Variants in FEM1C observed in about 807,000 individuals in gnomAD.
FEM1C encodes the protein fem-1 homolog C, also known as protein fem-1 homolog C.
In FEM1C, 15 loss-of-function variants were observed where a neutral mutation model predicts 37.6. The observed-to-expected ratio is 0.40, with a 90% confidence interval of 0.27 to 0.61. The LOEUF (loss-of-function observed/expected upper bound fraction) is 0.61. Among genes scored for constraint, FEM1C ranks in the 20% least tolerant of loss-of-function variants. FEM1C has a pLI of 0.42. For missense variants in FEM1C, 532 were observed against 749.7 expected (o/e 0.71, Z 3.39); for synonymous variants, 287 against 272.8 (o/e 1.05, Z -0.51).
At chr5:115,537,627 G>A (rs1367966353) in intron 2 of FEM1C, among the ~76,000 whole-genome samples, 1 of 152,022 alleles carries the variant, frequency 6.6e-6, no homozygotes, top group Non-Finnish European at 1.5e-5. Context: ...GCAACTTACA[G>A]GAGTAACTTC....
In FEM1C at chr5:115,543,603, TG is replaced by T; in HGVS notation, c.-111del. The T allele has an allele frequency of 6.8e-7, 1 of 1,479,630 alleles. No homozygotes were observed. The allele number at this position is 1,479,630 out of a possible 1,614,324, so 91.7% of individuals were successfully genotyped here. Reference sequence around the variant, plus strand: ...GGAACCAAAGTCCAATGTTAATTGCTGCACCCCAGAACGGATACACAACCAC... The same window carrying T: ...GGAACCAAAGTCCAATGTTAATTGCTCACCCCAGAACGGATACACAACCAC... On this transcript the variant is annotated 5_prime_UTR_variant, in exon 2 of 3. The change creates a premature stop within an existing upstream ORF in the 5' untranslated region. Coordinates refer to ENST00000274457, the MANE Select transcript of FEM1C (RefSeq NM_020177.3).
In FEM1C at chr5:115,540,105, G is replaced by A. The variant is rs373172233; in HGVS notation, c.544+2845C>T. Among the ~76,000 whole-genome samples the A allele has an allele frequency of 1.4e-4, 22 of 152,074 alleles. No homozygotes were observed. The South Asian group carries it at 4.6e-3, about 32-fold the overall frequency. On this transcript the variant is annotated intron_variant, in intron 2 of 2. Transcript: ENST00000274457. ...TAATCTTTTCTACTTTTTGAATGGG[G>A]CTAAAAAAGTGGGGAAAAATCCTCT...
At chr5:115,531,055 T>C (rs1201658860) in intron 2 of FEM1C, among the ~76,000 whole-genome samples, 1 of 152,094 alleles carries the variant, frequency 6.6e-6, no homozygotes, top group Non-Finnish European at 1.5e-5. Flanking sequence ...TTAATAACTT[T>C]GCAAGGTAGA....
intron 2 of FEM1C, among the ~76,000 whole-genome samples, chr5:115,527,388 G>C (rs1753917055): frequency 6.6e-6 from 1 of 152,000 alleles, no homozygotes; most frequent in South Asian, 2.1e-4. Flanking sequence ...ATATCTACAA[G>C]GACTATATAA....
Position 115,523,618 on chromosome 5 carries a change from A to G in FEM1C, c.*690T>C, listed in dbSNP as rs1474727823. The G allele has an allele frequency of 6.6e-6, 1 of 152,552 alleles. No individual in the cohort carries two copies. The highest frequency in any genetic ancestry group is 1.5e-5 in the Non-Finnish European group (1 of 67,990). 9.4% of individuals were successfully genotyped at this position (152,552 alleles called of 1,614,324 possible). A position where few individuals can be genotyped will look rare whatever the true frequency, so the allele number is the denominator to read the frequency against. ...AAAAACAAACAAAAAAGCTTGAGCT[A>G]TAATAGCTAACCTGCAGCTCTAAAA... is the stretch of plus-strand genomic sequence containing the variant. On this transcript the variant is annotated 3_prime_UTR_variant, in exon 3 of 3. Transcript: ENST00000274457.
intron 2 of FEM1C, among the ~76,000 whole-genome samples, chr5:115,536,948 G>A (rs1455846913): frequency 6.6e-6 from 1 of 151,962 alleles, no homozygotes; most frequent in Non-Finnish European, 1.5e-5. Context: ...AAGGCTAAGA[G>A]CACTGGAGCT....
chr5:115,539,284 A>T (rs1754192321), intron 2 of FEM1C, among the ~76,000 whole-genome samples: 1 of 152,034 alleles, frequency 6.6e-6, no homozygotes, highest in South Asian at 2.1e-4. Context: ...GTAAAAGTGG[A>T]ATTGAAGAGG....
chr5:115,531,092 T>C (rs566266204), intron 2 of FEM1C, among the ~76,000 whole-genome samples: 3 of 152,226 alleles, frequency 2.0e-5, no homozygotes, highest in Admixed American at 6.5e-5. Flanking sequence ...TACATACAAA[T>C]AGAAAAGAGA....
rs56087439 is a variant in FEM1C at position 115,542,563 on chromosome 5, TAA to T, written c.544+385_544+386del. ...AGTAATTTCTACTCCAAGGTTGTTC[TAA>T]AAAAAAAAAAAACAAAACAAAAAGC... is the stretch of plus-strand genomic sequence containing the variant. On this transcript the variant is annotated intron_variant, in intron 2 of 2. Transcript: ENST00000274457. Among the ~76,000 whole-genome samples, 92 of 142,398 alleles carry T rather than the reference TAA, an allele frequency of 6.5e-4. 1 individual carries two copies. The highest frequency in any genetic ancestry group is 1.1e-3 in the African/African-American group (43 of 38,826). The allele number at this position is 142,398 out of a possible 152,430, so 93.4% of individuals were successfully genotyped here.
At chr5:115,541,990 C>A (rs1184595613) in intron 2 of FEM1C, among the ~76,000 whole-genome samples, 1 of 152,068 alleles carries the variant, frequency 6.6e-6, no homozygotes, top group African/African-American at 2.4e-5. Context: ...AACCAATTTA[C>A]ACTGTTTGAT....
chr5:115,543,811 A>C (rs1561561938), intron 1 of FEM1C, 128 bp from the exon 2 acceptor site: 38 of 1,008,008 alleles, frequency 3.8e-5, no homozygotes, highest in Non-Finnish European at 3.8e-5. Flanking sequence ...CATCCCACAC[A>C]CCCCCCCCAC....
At chr5:115,543,809 AC>A in intron 1 of FEM1C, 126 bp from the exon 2 acceptor site, 1 of 984,326 alleles carries the variant, frequency 1.0e-6, no homozygotes. Flanking sequence ...TCCATCCCAC[AC>A]ACCCCCCCCA....
intron 2 of FEM1C, among the ~76,000 whole-genome samples, chr5:115,535,637 T>G (rs1337232266): frequency 6.6e-6 from 1 of 151,992 alleles, no homozygotes; most frequent in Non-Finnish European, 1.5e-5. Flanking sequence ...ACTGGAACTC[T>G]TCTTACATTG....
intron 2 of FEM1C, among the ~76,000 whole-genome samples, chr5:115,530,446 C>T (rs563668176): frequency 2.8e-4 from 43 of 152,188 alleles, no homozygotes; most frequent in African/African-American, 1.0e-3. Context: ...AACATTAGTA[C>T]ATCTAAACAT....
chr5:115,530,609 A>C (rs1397311357), intron 2 of FEM1C, among the ~76,000 whole-genome samples: 2 of 152,126 alleles, frequency 1.3e-5, no homozygotes, highest in Non-Finnish European at 2.9e-5. Flanking sequence ...CCAAATACTG[A>C]CCATATTCTT....
At position 115,543,372 on chromosome 5, in the gene FEM1C, C is replaced by T. The variant is rs1754282130; in HGVS notation, c.122G>A (p.Gly41Glu). 1 of 1,614,034 alleles carries T rather than the reference C, an allele frequency of 6.2e-7. No homozygotes were observed. The highest frequency in any genetic ancestry group is 1.7e-5 in the Admixed American group (1 of 59,998). Residue 41 changes from glycine to glutamate, a missense_variant, in exon 2 of 3, where the codon GGG (glycine) becomes GAG (glutamate). By Grantham distance (98) the Gly-to-Glu change is moderately conservative. This residue lies in a region of FEM1C where 74 missense variants were observed against 85.0 expected (regional missense o/e 0.87). Coordinates refer to ENST00000274457, the MANE Select transcript of FEM1C (RefSeq NM_020177.3). Reference protein sequence around the residue: ...VSSLISEKTNGATPLLMAARY... With the variant: ...VSSLISEKTNEATPLLMAARY... ...GGCGGCCATCAAGAGTGGCGTGGCC[C>T]CATTTGTTTTTTCAGAGATCAAGGA...
chr5:115,524,709 G>T lies in FEM1C; in HGVS notation c.1453C>A (p.Pro485Thr). Residue 485 changes from proline (P) to threonine (T), a missense_variant, in exon 3 of 3, where the codon CCT becomes ACT. Physicochemically the swap from Pro to Thr is conservative, Grantham distance 38 (BLOSUM62 -1). Transcript: ENST00000274457. Reference protein sequence around the residue: ...LHPRGKNNFSPLHLAVDKNTT... With the variant: ...LHPRGKNNFSTLHLAVDKNTT... ...TTCTTGTCCACAGCCAGATGAAGAG[G>T]GCTGAAGTTATTCTTTCCCCTTGGA... 6.5e-7 allele frequency: 1 copy of T among 1,542,820 alleles called. No individual in the cohort carries two copies. The highest frequency in any genetic ancestry group is 8.7e-7 in the Non-Finnish European group (1 of 1,149,440).
chr5:115,535,963 A>G (rs1252633620), intron 2 of FEM1C, among the ~76,000 whole-genome samples: 1 of 152,076 alleles, frequency 6.6e-6, no homozygotes, highest in Non-Finnish European at 1.5e-5. Flanking sequence ...GACAACTCAC[A>G]AAAGACTACA....
At chr5:115,541,992 C>A (rs1469199394) in intron 2 of FEM1C, among the ~76,000 whole-genome samples, 1 of 152,070 alleles carries the variant, frequency 6.6e-6, no homozygotes, top group Non-Finnish European at 1.5e-5. Context: ...CCAATTTACA[C>A]TGTTTGATTT....
Sources: gnomAD v4.1 joint callset for allele counts (sites outside exome capture counted in the v4.1 genomes callset) on GRCh38, gnomAD v4.1.1 for gene constraint, gnomAD v4.1.1 regional missense constraint, MANE v1.5 for transcripts, NCBI Gene and HGNC (gene_info 2026-07-23, HGNC 2026-07-21) for gene names.